The following VPS13B variants were observed in gnomAD, a reference collection of about 807,000 sequenced individuals.
The protein encoded by VPS13B is intermembrane lipid transfer protein VPS13B.
VPS13B carries 285 observed loss-of-function variants against 426.4 expected under a neutral mutation model. The observed-to-expected ratio is 0.67, with a 90% CI of 0.61 to 0.74. VPS13B has a LOEUF of 0.74. VPS13B is among the 30% of genes least tolerant of loss of function. VPS13B has a pLI of 0.00. For missense variants in VPS13B, 4,537 were observed against 4,782.6 expected, an observed-to-expected ratio of 0.95 and a Z score of 1.51; for synonymous variants, 1,676 against 1,676.4, an observed-to-expected ratio of 1.00 and a Z score of 0.01.
chr8:99,846,883 T>C (rs1262459516), intron 54 of VPS13B, among the ~76,000 whole-genome samples: 1 of 152,166 alleles, frequency 6.6e-6, no homozygotes, highest in African/African-American at 2.4e-5. Context: ...CTCTCTCCTC[T>C]AAGGGGTCCT....
chr8:99,050,303 A>G (rs4734421), intron 3 of VPS13B, among the ~76,000 whole-genome samples: 1 of 151,698 alleles, frequency 6.6e-6, no homozygotes, highest in Non-Finnish European at 1.5e-5. Context: ...TTTGTCCTTG[A>G]GATAGTTTGC....
chr8:99,123,154 G>GA (rs1848034037), intron 8 of VPS13B, among the ~76,000 whole-genome samples: 1 of 139,428 alleles, frequency 7.2e-6, no homozygotes, highest in African/African-American at 2.6e-5. Flanking sequence ...AAGAAAGAAA[G>GA]AAAAATCAAG....
chr8:99,462,542 T>C (rs1357846874), intron 23 of VPS13B, among the ~76,000 whole-genome samples: 1 of 152,200 alleles, frequency 6.6e-6, no homozygotes, highest in East Asian at 1.9e-4. Context: ...AAACTTTAGC[T>C]ATCATCTTTC....
intron 19 of VPS13B, among the ~76,000 whole-genome samples, chr8:99,383,705 G>A (rs1046649196): frequency 3.2e-4 from 49 of 152,104 alleles, no homozygotes; most frequent in African/African-American, 1.2e-3. Context: ...CATATAAGTG[G>A]AATTCTAAAA....
intron 19 of VPS13B, among the ~76,000 whole-genome samples, chr8:99,302,999 G>T (rs2133076565): frequency 6.6e-6 from 1 of 152,060 alleles, no homozygotes; most frequent in East Asian, 1.9e-4. Context: ...GTTTAGAAGG[G>T]CCGGGTGTGG....
chr8:99,389,630 A>G (rs959758360), intron 20 of VPS13B: 6 of 152,224 alleles, frequency 3.9e-5, no homozygotes, highest in Non-Finnish European at 7.3e-5. Context: ...ATCATTCTTG[A>G]AGGTCTTCAT....
intron 19 of VPS13B, among the ~76,000 whole-genome samples, chr8:99,322,185 G>C (rs1810018672): frequency 6.6e-6 from 1 of 152,022 alleles, no homozygotes. Flanking sequence ...ATTTGTAATT[G>C]ACTGCTGTTT....
At chr8:99,135,224 A>G in intron 10 of VPS13B, 87 bp downstream of exon 10, 1 of 1,547,482 alleles carries the variant, frequency 6.5e-7, no homozygotes, top group South Asian at 1.1e-5. Context: ...AATATCTGTT[A>G]GACTATATAT....
At chr8:99,809,726 C>G (rs999046108) in intron 44 of VPS13B, among the ~76,000 whole-genome samples, 196 bp downstream of exon 44, 1 of 152,186 alleles carries the variant, frequency 6.6e-6, no homozygotes, top group African/African-American at 2.4e-5. Flanking sequence ...TGTCCCACTT[C>G]TTTTACAAGA....
At chr8:99,733,034 A>G (rs1293281661) in intron 39 of VPS13B, among the ~76,000 whole-genome samples, 5 of 152,208 alleles carry the variant, frequency 3.3e-5, no homozygotes, top group African/African-American at 9.6e-5. Flanking sequence ...ATGAAGAACT[A>G]TGTTTAGCAA....
At chr8:99,325,965 T>A (rs1345925029) in intron 19 of VPS13B, among the ~76,000 whole-genome samples, 1 of 152,188 alleles carries the variant, frequency 6.6e-6, no homozygotes, top group East Asian at 1.9e-4. Flanking sequence ...AGGATATGTT[T>A]TTTGGGGGTC....
At chr8:99,158,251 G>A (rs1811462438) in intron 15 of VPS13B, among the ~76,000 whole-genome samples, 2 of 152,086 alleles carry the variant, frequency 1.3e-5, no homozygotes, top group Admixed American at 6.6e-5. Context: ...ACTTCAAAAG[G>A]CGGCCGGGCA....
Position 99,087,408 on chromosome 8 carries a change from G to A in VPS13B, c.292-8904G>A, listed in dbSNP as rs181934346. Among the ~76,000 whole-genome samples the A allele has an allele frequency of 6.8e-3, 1,036 of 152,076 alleles. 9 individuals are homozygous for A. Among genetic ancestry groups the A allele is most frequent in the Non-Finnish European group, 0.012 (806 of 67,972 alleles). ...TTCCCTGACCCCTTGCACTTCCAGG[G>A]TGAGGCAGTGCCTCACCCTGCTTCG... On this transcript the variant is annotated intron_variant, in intron 3 of 61. Coordinates refer to ENST00000357162, the MANE Select transcript of VPS13B (RefSeq NM_152564.5).
intron 21 of VPS13B, among the ~76,000 whole-genome samples, chr8:99,418,382 C>A (rs1256063103): frequency 6.7e-6 from 1 of 149,634 alleles, no homozygotes; most frequent in Non-Finnish European, 1.5e-5. Context: ...TACCATATAG[C>A]AATAGATATA....
At position 99,511,289 on chromosome 8, in the gene VPS13B, A is replaced by G; in HGVS notation, c.4410A>G (p.Ser1470=). The change falls in exon 29 of 62, where the codon TCA becomes TCG. Residue 1470 remains serine, a synonymous_variant. Transcript: ENST00000357162. ...ATTTTCTTCATGAAATTCTTCTTTC[A>G]GCACAAGCTTTTGATATTGTTCTTT... ...SPHFLHEILL[S]AQAFDIVLYF... is the part of the protein sequence containing the mutation. 6.2e-7 allele frequency: 1 copy of G among 1,614,016 alleles called. No homozygotes were observed. The highest frequency in any genetic ancestry group is 8.5e-7 in the Non-Finnish European group (1 of 1,179,998).
At chr8:99,468,635 G>A (rs985051769) in intron 24 of VPS13B, among the ~76,000 whole-genome samples, 2 of 152,040 alleles carry the variant, frequency 1.3e-5, no homozygotes, top group Non-Finnish European at 2.9e-5. Flanking sequence ...GGATCCTTGA[G>A]CCCAGAAGTT....
At chr8:99,698,695 GAC>G (rs1832136776) in intron 35 of VPS13B, among the ~76,000 whole-genome samples, 1 of 152,206 alleles carries the variant, frequency 6.6e-6, no homozygotes, top group Non-Finnish European at 1.5e-5. Flanking sequence ...GCATATGTAA[GAC>G]ACATTGTGCT....
At chr8:99,565,752 G>A (rs1205322970) in intron 31 of VPS13B, among the ~76,000 whole-genome samples, 1 of 152,038 alleles carries the variant, frequency 6.6e-6, no homozygotes, top group Non-Finnish European at 1.5e-5. Context: ...AGTTTTCTTT[G>A]TTTTAAATTT....
intron 19 of VPS13B, among the ~76,000 whole-genome samples, chr8:99,276,119 CAACT>C (rs1054666127): frequency 6.6e-6 from 1 of 151,978 alleles, no homozygotes; most frequent in African/African-American, 2.4e-5. Context: ...AAAAGATTTG[CAACT>C]AACTGAGCAG....
Sources: allele counts gnomAD v4.1 joint callset (sites outside exome capture counted in the v4.1 genomes callset), GRCh38; gene constraint gnomAD v4.1.1; transcripts MANE v1.5; gene names NCBI Gene and HGNC (gene_info 2026-07-23, HGNC 2026-07-21).